Variants in RGS6 observed in about 807,000 individuals in gnomAD.
RGS6 encodes the protein regulator of G protein signaling 6, also known as regulator of G-protein signaling 6.
Under a neutral mutation model 78.5 loss-of-function variants are expected in RGS6, and 30 were observed. That is an observed-to-expected ratio of 0.38 (90% CI 0.29 to 0.52). RGS6 has a LOEUF of 0.52. Among genes scored for constraint, RGS6 ranks in the 20% least tolerant of loss-of-function variants. The pLI is 0.85. For missense variants in RGS6, 495 were observed against 609.7 expected, an observed-to-expected ratio of 0.81 and a Z score of 1.98; for synonymous variants, 206 against 206.0, an observed-to-expected ratio of 1.00 and a Z score of 0.00.
At chr14:71,936,287 A>G (rs2089352179) in intron 1 of RGS6, among the ~76,000 whole-genome samples, 1 of 151,750 alleles carries the variant, frequency 6.6e-6, no homozygotes, top group Non-Finnish European at 1.5e-5. Flanking sequence ...TGGGAGAAAG[A>G]TGTAGGGTGG....
intron 3 of RGS6, among the ~76,000 whole-genome samples, chr14:72,407,473 G>A (rs2093033793): frequency 2.0e-5 from 3 of 152,238 alleles, no homozygotes; most frequent in African/African-American, 7.2e-5. Flanking sequence ...ATTGGCTCAT[G>A]TGATTACGGA....
At chr14:72,417,590 A>G (rs114102634) in intron 3 of RGS6, among the ~76,000 whole-genome samples, 317 of 152,316 alleles carry the variant, frequency 2.1e-3, no homozygotes, top group African/African-American at 7.0e-3. Context: ...TGTGACTCGG[A>G]GAACCGCATG....
At chr14:72,387,860 T>C (rs1242574257) in intron 3 of RGS6, among the ~76,000 whole-genome samples, 1 of 152,170 alleles carries the variant, frequency 6.6e-6, no homozygotes, top group Admixed American at 6.5e-5. Context: ...GCAGGGTTGG[T>C]TTCTTCGGAG....
At chr14:72,141,977 T>A (rs942758303) in intron 2 of RGS6, among the ~76,000 whole-genome samples, 5 of 151,990 alleles carry the variant, frequency 3.3e-5, no homozygotes, top group Non-Finnish European at 5.9e-5. Flanking sequence ...CATATTGAAG[T>A]AACTTCTACT....
chr14:72,417,864 A>G (rs1320486239), intron 3 of RGS6, among the ~76,000 whole-genome samples: 1 of 152,214 alleles, frequency 6.6e-6, no homozygotes, highest in African/African-American at 2.4e-5. Context: ...ACAAGAAGCA[A>G]CTGGACCACA....
chr14:72,100,128 A>G (rs2095497633), intron 2 of RGS6, among the ~76,000 whole-genome samples: 1 of 152,098 alleles, frequency 6.6e-6, no homozygotes, highest in Non-Finnish European at 1.5e-5. Context: ...TTTGAGAGAG[A>G]CTTAGAAGAT....
chr14:72,610,956 TG>T, the RGS6 span, among the ~76,000 whole-genome samples: 2 of 152,240 alleles, frequency 1.3e-5, no homozygotes, highest in East Asian at 3.9e-4. Flanking sequence ...AGTAGGTGAG[TG>T]GACCAAACCC....
At chr14:72,445,897 C>T (rs931349146) in intron 3 of RGS6, among the ~76,000 whole-genome samples, 1 of 152,056 alleles carries the variant, frequency 6.6e-6, no homozygotes, top group African/African-American at 2.4e-5. Flanking sequence ...AGAGTCATTG[C>T]AGATGTAATT....
chr14:72,403,761 A>G (rs1249643985), intron 3 of RGS6, among the ~76,000 whole-genome samples: 1 of 152,238 alleles, frequency 6.6e-6, no homozygotes, highest in Non-Finnish European at 1.5e-5. Flanking sequence ...AATAAACAAT[A>G]TTGAAAGCAA....
Position 71,935,636 on chromosome 14 carries a change from T to C in RGS6, c.-21+2695T>C, listed in dbSNP as rs537563013. On this transcript the variant is annotated intron_variant, in intron 1 of 17. Transcript: ENST00000553525. ...GGGGCTTCCTTTTGAATTTAGGGATTAAAGCATCAGAAAAGAAGTAGAAAG... is the reference window on the plus strand; with the variant it reads ...GGGGCTTCCTTTTGAATTTAGGGATCAAAGCATCAGAAAAGAAGTAGAAAG... 5.3e-5 allele frequency among the ~76,000 whole-genome samples: 8 copies of C among 152,262 alleles called. No individual in the cohort carries two copies. The East Asian group carries it at 9.7e-4, about 18-fold the overall frequency.
intron 2 of RGS6, among the ~76,000 whole-genome samples, chr14:72,234,007 C>T (rs151198914): frequency 3.4e-4 from 51 of 152,118 alleles, no homozygotes; most frequent in East Asian, 1.4e-3. Context: ...GTTAAGGGAA[C>T]GAACGGGCAT....
At position 72,536,214 on chromosome 14, in the gene RGS6, A is replaced by T; in HGVS notation, c.1307A>T (p.Asp436Val). The T allele has an allele frequency of 6.2e-7, 1 of 1,613,846 alleles. No homozygotes were observed. Among genetic ancestry groups the T allele is most frequent in the Non-Finnish European group, 8.5e-7 (1 of 1,179,806 alleles). ...CACATCTACAAGCTGATGAAGAGTG[A>T]CAGCTATGCCCGCTTCCTCCGGTCA... ...QEHIYKLMKS[D>V]SYARFLRSNA... Residue 436 changes from aspartate (D) to valine (V), a missense_variant, in exon 16 of 18, where the codon GAC becomes GTC. By Grantham distance (152) the Asp-to-Val change is radical (BLOSUM62 -3). Transcript: ENST00000553525.
At position 72,430,652 on chromosome 14, in the gene RGS6, G is replaced by A. The variant is rs539715428; in HGVS notation, c.185-23876G>A. Among the ~76,000 whole-genome samples, 10 of 152,292 alleles carry A rather than the reference G, an allele frequency of 6.6e-5. No homozygotes were observed. The South Asian group carries it at 1.2e-3, about 19-fold the overall frequency. On this transcript the variant is annotated intron_variant, in intron 3 of 17. Coordinates refer to ENST00000553525, the MANE Select transcript of RGS6 (RefSeq NM_001204424.2). ...TCTCCTAGAGCCCCAGTATGTTCCT[G>A]GCACCTGCAGGCTTTTGGGTTTTGG...
At chr14:71,898,122 T>C in the RGS6 span, among the ~76,000 whole-genome samples, 1 of 152,274 alleles carries the variant, frequency 6.6e-6, no homozygotes, top group Non-Finnish European at 1.5e-5. Context: ...CACATACTTT[T>C]ATTGTGGTGA....
chr14:72,130,899 T>C (rs1002788193), intron 2 of RGS6, among the ~76,000 whole-genome samples: 3 of 152,214 alleles, frequency 2.0e-5, no homozygotes, highest in Non-Finnish European at 4.4e-5. Flanking sequence ...AGGAGGGTGA[T>C]GGGAGAGCCT....
chr14:72,380,915 C>T (rs2085912203), intron 3 of RGS6, among the ~76,000 whole-genome samples: 3 of 152,004 alleles, frequency 2.0e-5, no homozygotes, highest in South Asian at 4.2e-4. Context: ...ATGGAATCAA[C>T]CTAGGGTGTC....
chr14:72,024,692 A>G (rs1342434406), intron 2 of RGS6, among the ~76,000 whole-genome samples: 1 of 152,224 alleles, frequency 6.6e-6, no homozygotes, highest in Non-Finnish European at 1.5e-5. Context: ...AAACTAGCTC[A>G]GCAGGCTTAG....
intron 12 of RGS6, among the ~76,000 whole-genome samples, chr14:72,480,499 T>G (rs1419244038): frequency 1.3e-5 from 2 of 152,080 alleles, no homozygotes; most frequent in Non-Finnish European, 2.9e-5. Flanking sequence ...CTTTCATGAG[T>G]CTCTGCCCGG....
At chr14:72,608,220 C>T in the RGS6 span, among the ~76,000 whole-genome samples, 1 of 152,286 alleles carries the variant, frequency 6.6e-6, no homozygotes, top group East Asian at 1.9e-4. Context: ...GCTGTAGCCC[C>T]AGTACCTAGC....
Sources: allele counts gnomAD v4.1 joint callset (sites outside exome capture counted in the v4.1 genomes callset), GRCh38; gene constraint gnomAD v4.1.1; transcripts MANE v1.5; gene names NCBI Gene and HGNC (gene_info 2026-07-23, HGNC 2026-07-21).